The following SYT1 variants were observed in gnomAD, a reference collection of about 807,000 sequenced individuals.
SYT1 encodes the protein synaptotagmin-1.
Under a neutral mutation model 44.8 loss-of-function variants are expected in SYT1, and 8 were observed. The ratio of observed to expected loss-of-function variants is 0.18; its 90% CI spans 0.10 to 0.32. The LOEUF is 0.32. Ranked by LOEUF, SYT1 falls within the 10% of genes least tolerant of loss-of-function variation. The pLI is 1.00. For missense variants in SYT1, 286 were observed against 509.3 expected (o/e 0.56, Z 4.22); for synonymous variants, 154 against 188.8 (o/e 0.82, Z 1.51).
At chr12:79,254,490 T>C (rs1877403232) in intron 4 of SYT1, among the ~76,000 whole-genome samples, 1 of 152,222 alleles carries the variant, frequency 6.6e-6, no homozygotes, top group African/African-American at 2.4e-5. Flanking sequence ...CAGGAGGAGA[T>C]TGATGTTGTT....
intron 2 of SYT1, among the ~76,000 whole-genome samples, chr12:78,992,292 TTATCTC>T (rs1169548069): frequency 6.6e-6 from 1 of 152,192 alleles, no homozygotes; most frequent in Admixed American, 6.5e-5. Flanking sequence ...CCTCAAAACA[TTATCTC>T]TAAGATAAGA....
rs529001281 is a variant in SYT1, at chr12:79,218,691, G to A, written c.166+1006G>A. Among the ~76,000 whole-genome samples the A allele has an allele frequency of 4.6e-5, 7 of 152,200 alleles. No homozygotes were observed. In the South Asian group the frequency reaches 1.5e-3, roughly 32 times the overall value. The stretch of plus-strand genomic sequence containing the variant: ...TCACCAGGTTCATTCATGTTGTCAC[G>A]AATACCACGATTTCATTTTTTTATA... On this transcript the variant is annotated intron_variant, in intron 4 of 10. Coordinates refer to ENST00000261205, the MANE Select transcript of SYT1 (RefSeq NM_005639.3).
At chr12:79,392,561 G>C (rs1242315150) in intron 9 of SYT1, 1 of 151,992 alleles carries the variant, frequency 6.6e-6, no homozygotes, top group Non-Finnish European at 1.5e-5. Flanking sequence ...AAAGAAAAAG[G>C]GTATAGGGAG....
chr12:79,338,201 C>T (rs925345901), intron 8 of SYT1, among the ~76,000 whole-genome samples: 4 of 152,092 alleles, frequency 2.6e-5, no homozygotes, highest in African/African-American at 9.7e-5. Context: ...CATTTTTCAC[C>T]ATTTCCATTG....
intron 3 of SYT1, among the ~76,000 whole-genome samples, chr12:79,102,665 T>C (rs1878507383): frequency 6.6e-6 from 1 of 152,232 alleles, no homozygotes; most frequent in South Asian, 2.1e-4. Context: ...TGGTACAAAG[T>C]AAATACTCAG....
chr12:79,088,636 G>A (rs1046864528), intron 3 of SYT1, among the ~76,000 whole-genome samples: 2 of 151,928 alleles, frequency 1.3e-5, no homozygotes, highest in East Asian at 1.9e-4. Flanking sequence ...TCTAACTTAG[G>A]TTTTAAAAGA....
intron 9 of SYT1, among the ~76,000 whole-genome samples, chr12:79,429,401 G>A (rs1869641439): frequency 6.6e-6 from 1 of 151,750 alleles, no homozygotes; most frequent in Admixed American, 6.6e-5. Flanking sequence ...GAGAGATGGG[G>A]TTTCACCATG....
At chr12:79,286,026 G>A (rs1434657829) in intron 5 of SYT1, 55 bp downstream of exon 5, 3 of 1,534,190 alleles carry the variant, frequency 2.0e-6, no homozygotes, top group Non-Finnish European at 2.6e-6. Flanking sequence ...ATAAACAAAT[G>A]TATTATTTTA....
chr12:78,948,100 T>C (rs950120376), intron 1 of SYT1, among the ~76,000 whole-genome samples: 1 of 151,776 alleles, frequency 6.6e-6, no homozygotes, highest in African/African-American at 2.4e-5. Context: ...AATTTAACCA[T>C]TTAATTAAGA....
intron 9 of SYT1, among the ~76,000 whole-genome samples, chr12:79,439,503 G>A (rs1870280166): frequency 6.6e-6 from 1 of 152,094 alleles, no homozygotes; most frequent in African/African-American, 2.4e-5. Context: ...TGCAGCAAAT[G>A]GGAAGACTCT....
At chr12:79,260,579 T>C (rs1330236948) in intron 4 of SYT1, among the ~76,000 whole-genome samples, 1 of 152,194 alleles carries the variant, frequency 6.6e-6, no homozygotes, top group East Asian at 1.9e-4. Flanking sequence ...CTTTGGTTGA[T>C]AGGAAGCAGT....
chr12:79,117,726 G>C (rs1048152895), intron 3 of SYT1, among the ~76,000 whole-genome samples: 1 of 99,992 alleles, frequency 1.0e-5, no homozygotes, highest in East Asian at 3.5e-4. Context: ...AAATAAATAG[G>C]TTGCATACAG....
intron 4 of SYT1, among the ~76,000 whole-genome samples, chr12:79,277,863 T>C (rs562658999): frequency 5.1e-4 from 78 of 152,136 alleles, no homozygotes; most frequent in African/African-American, 1.8e-3. Flanking sequence ...CAGTAGTACC[T>C]ATTCTTACAT....
intron 1 of SYT1, among the ~76,000 whole-genome samples, chr12:78,929,267 C>T (rs769464990): frequency 6.6e-6 from 1 of 150,860 alleles, no homozygotes; most frequent in African/African-American, 2.4e-5. Flanking sequence ...CTGGACGTGG[C>T]AGCACATGCC....
intron 4 of SYT1, among the ~76,000 whole-genome samples, chr12:79,259,115 G>A (rs923941604): frequency 6.6e-6 from 1 of 152,174 alleles, no homozygotes; most frequent in African/African-American, 2.4e-5. Flanking sequence ...ACTAGGAAAT[G>A]TTTAGCATAA....
intron 9 of SYT1, among the ~76,000 whole-genome samples, chr12:79,360,299 T>TC (rs1883271222): frequency 6.6e-6 from 1 of 152,166 alleles, no homozygotes; most frequent in African/African-American, 2.4e-5. Context: ...AGTATCCTCT[T>TC]CCCTGAAAAA....
chr12:79,267,686 T>C (rs1213144112), intron 4 of SYT1, among the ~76,000 whole-genome samples: 1 of 152,210 alleles, frequency 6.6e-6, no homozygotes, highest in Non-Finnish European at 1.5e-5. Context: ...AGGCTTCAGA[T>C]GATTAGCCTG....
chr12:78,918,722 C>T (rs973705957), intron 1 of SYT1, among the ~76,000 whole-genome samples: 5 of 151,886 alleles, frequency 3.3e-5, no homozygotes, highest in Non-Finnish European at 5.9e-5. Flanking sequence ...AAACATTCCT[C>T]GTAGAGTGAC....
intron 8 of SYT1, among the ~76,000 whole-genome samples, chr12:79,310,424 G>GT (rs556374917): frequency 0.01 from 1,583 of 152,188 alleles, 29 homozygotes; most frequent in African/African-American, 0.036. Context: ...CTGTAGCCTT[G>GT]TAGTATAGTT....
Sources: allele counts gnomAD v4.1 joint callset (sites outside exome capture counted in the v4.1 genomes callset), GRCh38; gene constraint gnomAD v4.1.1; transcripts MANE v1.5; gene names NCBI Gene and HGNC (gene_info 2026-07-23, HGNC 2026-07-21).